MACROD2: variants seen among roughly 807,000 people sequenced by gnomAD.
MACROD2 encodes the protein mono-ADP ribosylhydrolase 2, also known as ADP-ribose glycohydrolase MACROD2.
In MACROD2, 36 loss-of-function variants were observed where a neutral mutation model predicts 70.4. The observed-to-expected ratio is 0.51, with a 90% confidence interval of 0.39 to 0.68. The LOEUF is 0.68. Among genes scored for constraint, MACROD2 ranks in the 30% least tolerant of loss-of-function variants. The pLI is 0.00. For synonymous variants in MACROD2, 172 were observed against 178.8 expected (o/e 0.96, Z 0.30); for missense variants, 496 against 538.4 (o/e 0.92, Z 0.78).
rs566931995 is a variant in MACROD2, at chr20:15,413,385, T to G, written c.541-18020T>G. On this transcript the variant is annotated intron_variant, in intron 6 of 17. Coordinates refer to ENST00000684519, the MANE Select transcript of MACROD2 (RefSeq NM_001351661.2). Reference sequence around the variant, plus strand: ...TTAACTCTGGTATTTTATTCCCCCTTAGTAATTTCCGAAGTTATTGATTAG... The same window carrying G: ...TTAACTCTGGTATTTTATTCCCCCTGAGTAATTTCCGAAGTTATTGATTAG... Among the ~76,000 whole-genome samples, 4 of 152,246 alleles carry G rather than the reference T, an allele frequency of 2.6e-5. No homozygotes were observed. In the South Asian group the frequency reaches 8.3e-4, roughly 32 times the overall value.
intron 8 of MACROD2, among the ~76,000 whole-genome samples, chr20:15,719,376 G>A (rs1007378618): frequency 1.3e-5 from 2 of 152,142 alleles, no homozygotes; most frequent in African/African-American, 4.8e-5. Context: ...TCATAGTTGT[G>A]AGTGAACTCC....
chr20:15,718,514 T>C (rs1386919457), intron 8 of MACROD2, among the ~76,000 whole-genome samples: 2 of 152,216 alleles, frequency 1.3e-5, no homozygotes, highest in African/African-American at 4.8e-5. Context: ...CCTGTGGCCA[T>C]GAAAAGCCAT....
At chr20:15,252,629 A>G (rs560652350) in intron 6 of MACROD2, among the ~76,000 whole-genome samples, 2 of 152,334 alleles carry the variant, frequency 1.3e-5, no homozygotes, top group East Asian at 1.9e-4. Flanking sequence ...CTCAGGAAAA[A>G]GGTATCAAAT....
chr20:15,948,337 C>T (rs2065854190), intron 12 of MACROD2, among the ~76,000 whole-genome samples: 2 of 136,712 alleles, frequency 1.5e-5, no homozygotes, highest in Non-Finnish European at 3.0e-5. Flanking sequence ...GCAACAGCAA[C>T]CCCCTTTGGG....
chr20:14,297,816 T>G (rs2082439827), intron 3 of MACROD2, among the ~76,000 whole-genome samples: 1 of 151,946 alleles, frequency 6.6e-6, no homozygotes, highest in African/African-American at 2.4e-5. Context: ...TAGCCTTCTA[T>G]TGGAAGAAGC....
chr20:14,704,243 G>A (rs1466728121), intron 5 of MACROD2, among the ~76,000 whole-genome samples: 5 of 151,994 alleles, frequency 3.3e-5, no homozygotes, highest in African/African-American at 9.7e-5. Context: ...AATCTTCATC[G>A]TCCCCCAAAC....
intron 5 of MACROD2, among the ~76,000 whole-genome samples, chr20:14,725,033 A>G (rs2071512117): frequency 1.3e-5 from 2 of 152,124 alleles, no homozygotes; most frequent in Non-Finnish European, 2.9e-5. Context: ...GTTTCAGAGT[A>G]TGTTTTGGGG....
intron 3 of MACROD2, among the ~76,000 whole-genome samples, chr20:14,201,945 T>A (rs2081483356): frequency 6.6e-6 from 1 of 151,918 alleles, no homozygotes; most frequent in African/African-American, 2.4e-5. Flanking sequence ...TATATATTGC[T>A]AATAATATGT....
chr20:15,205,921 G>A (rs2076697487), intron 5 of MACROD2, among the ~76,000 whole-genome samples: 7 of 152,210 alleles, frequency 4.6e-5, no homozygotes, highest in Admixed American at 4.6e-4. Flanking sequence ...GGGTAATACA[G>A]CCTGCCACAG....
chr20:15,667,518 T>A (rs2049917999), intron 8 of MACROD2, among the ~76,000 whole-genome samples: 1 of 150,142 alleles, frequency 6.7e-6, no homozygotes, highest in African/African-American at 2.4e-5. Context: ...TATCTATCTA[T>A]CTATCTATGA....
At chr20:15,223,063 A>G (rs773705818) in intron 5 of MACROD2, among the ~76,000 whole-genome samples, 9 of 152,146 alleles carry the variant, frequency 5.9e-5, no homozygotes, top group Non-Finnish European at 7.3e-5. Context: ...GGGAGTGCAA[A>G]GTGGTGCGAT....
intron 8 of MACROD2, among the ~76,000 whole-genome samples, chr20:15,684,349 A>G (rs2050199594): frequency 6.6e-6 from 1 of 152,238 alleles, no homozygotes; most frequent in African/African-American, 2.4e-5. Context: ...GTTGAATCAG[A>G]TAGTGCAAAA....
intron 8 of MACROD2, among the ~76,000 whole-genome samples, chr20:15,692,045 C>T (rs571255653): frequency 6.6e-6 from 1 of 152,260 alleles, no homozygotes; most frequent in African/African-American, 2.4e-5. Flanking sequence ...TGTAGTTTGG[C>T]CACATGGAGA....
At chr20:14,817,250 T>C (rs1229223938) in intron 5 of MACROD2, among the ~76,000 whole-genome samples, 2 of 152,156 alleles carry the variant, frequency 1.3e-5, no homozygotes, top group African/African-American at 2.4e-5. Flanking sequence ...TTTTGACTGA[T>C]ATAGCATTTG....
chr20:14,151,811 CTTTTTTTTT>C (rs144065987), intron 3 of MACROD2, among the ~76,000 whole-genome samples: 21 of 59,216 alleles, frequency 3.5e-4, no homozygotes, highest in Non-Finnish European at 4.8e-4. Context: ...TGTATTGTAT[CTTTTTTTTT>C]TTTTTTTTTT....
intron 4 of MACROD2, among the ~76,000 whole-genome samples, chr20:14,667,501 A>G (rs1446561637): frequency 6.6e-6 from 1 of 152,168 alleles, no homozygotes; most frequent in Non-Finnish European, 1.5e-5. Context: ...TTTTTATTTC[A>G]TAAGCCCACA....
rs533393424 is a variant in MACROD2, at chr20:14,337,118, A to G, written c.272-156361A>G. Among the ~76,000 whole-genome samples, 4 of 152,278 alleles carry G rather than the reference A, an allele frequency of 2.6e-5. No individual in the cohort carries two copies. The South Asian group carries it at 6.2e-4, about 24-fold the overall frequency. On this transcript the variant is annotated intron_variant, in intron 3 of 17. Transcript: ENST00000684519. ...TTAATATTTAACATTGAACTTTCCA[A>G]CTTGCTGTTTTCCATAAGGCTCTTT...
intron 12 of MACROD2, among the ~76,000 whole-genome samples, chr20:15,943,339 G>A (rs6080041): frequency 9.9e-5 from 15 of 152,134 alleles, no homozygotes; most frequent in East Asian, 1.9e-4. Flanking sequence ...AATTCCTCTC[G>A]AGACTCTCCA....
intron 6 of MACROD2, among the ~76,000 whole-genome samples, chr20:15,412,594 C>T (rs1266870409): frequency 6.6e-6 from 1 of 152,156 alleles, no homozygotes; most frequent in Non-Finnish European, 1.5e-5. Context: ...TTGTTTTCTA[C>T]GTGAAAACTG....
Sources: allele counts gnomAD v4.1 joint callset (sites outside exome capture counted in the v4.1 genomes callset), GRCh38; gene constraint gnomAD v4.1.1; transcripts MANE v1.5; gene names NCBI Gene and HGNC (gene_info 2026-07-23, HGNC 2026-07-21).